BCAS1: variants seen among roughly 807,000 people sequenced by gnomAD.
BCAS1 encodes the protein brain enriched myelin associated protein 1, also known as breast carcinoma-amplified sequence 1.
BCAS1 carries 46 observed loss-of-function variants against 65.4 expected under a neutral mutation model. The observed-to-expected ratio is 0.70, with a 90% CI of 0.55 to 0.90. The LOEUF (loss-of-function observed/expected upper bound fraction) is 0.90, where lower values mean the gene tolerates loss of function less well. BCAS1 is among the 40% of genes least tolerant of loss of function. BCAS1 has a pLI of 0.00. For synonymous variants in BCAS1, 298 were observed against 293.5 expected, an observed-to-expected ratio of 1.02 and a Z score of -0.16; for missense variants, 793 against 771.2, an observed-to-expected ratio of 1.03 and a Z score of -0.33.
chr20:53,956,835 A>T (rs537338395), intron 11 of BCAS1, among the ~76,000 whole-genome samples: 1 of 152,268 alleles, frequency 6.6e-6, no homozygotes, highest in African/African-American at 2.4e-5. Flanking sequence ...GATCCTATTT[A>T]AAAAAAGGAA....
In BCAS1 at chr20:53,946,385, T is replaced by C. The variant is rs949871735; in HGVS notation, c.1816-1389A>G. 2.0e-5 allele frequency among the ~76,000 whole-genome samples: 3 copies of C among 152,090 alleles called. No homozygotes were observed. In the South Asian group the frequency reaches 6.2e-4, roughly 32 times the overall value. On this transcript the variant is annotated intron_variant, in intron 12 of 12. Transcript: ENST00000688948. ...TACACAGCCCTTCAGACTAACTTCT[T>C]TCATGTAGCATAGTGGATGTGCGAT...
intron 1 of BCAS1, among the ~76,000 whole-genome samples, chr20:54,065,930 A>T (rs529190478): frequency 7.7e-4 from 118 of 152,340 alleles, no homozygotes; most frequent in African/African-American, 2.8e-3. Flanking sequence ...TGTTAGTATA[A>T]GCAGTAAATA....
chr20:53,979,651 G>A (rs2090427380), intron 8 of BCAS1, among the ~76,000 whole-genome samples: 1 of 152,188 alleles, frequency 6.6e-6, no homozygotes, highest in Non-Finnish European at 1.5e-5. Flanking sequence ...TGTGGCTTGG[G>A]GGTGACCACC....
intron 11 of BCAS1, among the ~76,000 whole-genome samples, chr20:53,955,931 G>A (rs2089684179): frequency 6.6e-6 from 1 of 152,108 alleles, no homozygotes; most frequent in Non-Finnish European, 1.5e-5. Context: ...TAAATATGAA[G>A]AGTATAGTAA....
chr20:53,992,271 G>A (rs960378630), intron 7 of BCAS1, among the ~76,000 whole-genome samples: 6 of 152,160 alleles, frequency 3.9e-5, no homozygotes, highest in Non-Finnish European at 5.9e-5. Context: ...GAAATACTGG[G>A]TTAGAAGAAT....
chr20:53,994,910 CACACACAT>C (rs753820049), intron 6 of BCAS1, 94 bp downstream of exon 6: 23 of 856,424 alleles, frequency 2.7e-5, no homozygotes, highest in Middle Eastern at 2.3e-4. Flanking sequence ...CACACACACA[CACACACAT>C]ATATGTATTC....
chr20:54,064,868 G>T (rs923993864), intron 1 of BCAS1, among the ~76,000 whole-genome samples: 2 of 151,184 alleles, frequency 1.3e-5, no homozygotes, highest in East Asian at 3.9e-4. Flanking sequence ...TGCCTCTCTT[G>T]GTCCTCCCAA....
At chr20:54,005,088 A>C (rs1600844156) in intron 4 of BCAS1, among the ~76,000 whole-genome samples, 1 of 152,286 alleles carries the variant, frequency 6.6e-6, no homozygotes, top group East Asian at 1.9e-4. Flanking sequence ...TGAATCTGAC[A>C]CTGTCTTCTC....
intron 4 of BCAS1, among the ~76,000 whole-genome samples, chr20:54,014,061 G>A (rs2091379918): frequency 6.6e-6 from 1 of 152,114 alleles, no homozygotes; most frequent in Non-Finnish European, 1.5e-5. Flanking sequence ...ACATCAAGAG[G>A]GCCAAGCTAA....
At chr20:54,014,253 G>T (rs560226058) in intron 4 of BCAS1, among the ~76,000 whole-genome samples, 1 of 152,324 alleles carries the variant, frequency 6.6e-6, no homozygotes, top group African/African-American at 2.4e-5. Flanking sequence ...AAGCAAACAG[G>T]CGTCCGTGGT....
chr20:53,987,740 T>C (rs1175438377), intron 7 of BCAS1, among the ~76,000 whole-genome samples: 2 of 152,140 alleles, frequency 1.3e-5, no homozygotes, highest in Non-Finnish European at 2.9e-5. Flanking sequence ...CATAAAAAGC[T>C]AAATCAAGGA....
At chr20:53,971,728 T>A (rs1490559600) in intron 9 of BCAS1, among the ~76,000 whole-genome samples, 1 of 152,240 alleles carries the variant, frequency 6.6e-6, no homozygotes, top group African/African-American at 2.4e-5. Context: ...TTCTTTCTAA[T>A]CCAGGTTGAA....
intron 3 of BCAS1, among the ~76,000 whole-genome samples, chr20:54,054,570 G>A (rs1196586213): frequency 6.6e-6 from 1 of 152,144 alleles, no homozygotes; most frequent in African/African-American, 2.4e-5. Context: ...AGCTTAAAAG[G>A]GGTAATCACT....
intron 3 of BCAS1, among the ~76,000 whole-genome samples, chr20:54,041,193 G>A (rs888081426): frequency 1.3e-5 from 2 of 151,272 alleles, no homozygotes; most frequent in East Asian, 1.9e-4. Context: ...AAAACTCAGC[G>A]CTAAAGGGTA....
intron 10 of BCAS1, among the ~76,000 whole-genome samples, chr20:53,957,947 T>G (rs550911103): frequency 6.6e-6 from 1 of 152,156 alleles, no homozygotes; most frequent in East Asian, 1.9e-4. Context: ...TTTCCACCCT[T>G]TAGCACCCCC....
intron 4 of BCAS1, among the ~76,000 whole-genome samples, chr20:54,000,366 T>C (rs1185990960): frequency 1.1e-5 from 1 of 88,450 alleles, no homozygotes; most frequent in Non-Finnish European, 2.2e-5. Flanking sequence ...TGTCATTTTG[T>C]GTTTTGTTCC....
Position 53,944,941 on chromosome 20 carries a change from G to A in BCAS1, c.1871C>T (p.Pro624Leu). The A allele has an allele frequency of 6.2e-7, 1 of 1,614,036 alleles. No homozygotes were observed. Among genetic ancestry groups the A allele is most frequent in the South Asian group, 1.1e-5 (1 of 91,074 alleles). The change falls in exon 13 of 13, where the codon CCA (proline) becomes CTA (leucine). Residue 624 changes from proline to leucine, a missense_variant. By Grantham distance (98) the Pro-to-Leu change is moderately conservative (BLOSUM62 -3). Transcript: ENST00000688948. ...ATTTGTTTACTTGGATTTGCCAACT[G>A]GTCCGATGGATACTGGGTCTGTTTG... ...QVQTDPVSIG[P>L]VGKSK
At chr20:53,975,114 G>A (rs760817679) in intron 9 of BCAS1, among the ~76,000 whole-genome samples, 5 of 152,188 alleles carry the variant, frequency 3.3e-5, no homozygotes, top group Admixed American at 6.5e-5. Flanking sequence ...CTGTTCTTAC[G>A]TGTAGTAGAC....
At chr20:54,069,257 A>G (rs1316726276) in intron 1 of BCAS1, among the ~76,000 whole-genome samples, 2 of 152,138 alleles carry the variant, frequency 1.3e-5, no homozygotes, top group African/African-American at 2.4e-5. Flanking sequence ...GGAACAATGT[A>G]AGGGACACCA....
Sources: allele counts gnomAD v4.1 joint callset (sites outside exome capture counted in the v4.1 genomes callset), GRCh38; gene constraint gnomAD v4.1.1; transcripts MANE v1.5; gene names NCBI Gene and HGNC (gene_info 2026-07-23, HGNC 2026-07-21).